Variants in CFAP69 observed in about 807,000 individuals in gnomAD.
The protein encoded by CFAP69 is cilia and flagella associated protein 69, also known as cilia- and flagella-associated protein 69.
In CFAP69, 92 loss-of-function variants were observed where a neutral mutation model predicts 123.0. The observed-to-expected ratio is 0.75, with a 90% CI of 0.63 to 0.89. CFAP69 has a LOEUF of 0.89. Ranked by LOEUF, CFAP69 falls within the 40% of genes least tolerant of loss-of-function variation. The pLI, the probability that CFAP69 is intolerant of heterozygous loss-of-function variation, is 0.00. For synonymous variants in CFAP69, 380 were observed against 364.3 expected, an observed-to-expected ratio of 1.04 and a Z score of -0.49; for missense variants, 1,067 against 1,096.9, an observed-to-expected ratio of 0.97 and a Z score of 0.39.
intron 22 of CFAP69, 29 bp from the exon 23 acceptor site, chr7:90,310,039 T>G (rs200435391): frequency 4.4e-6 from 7 of 1,575,650 alleles, no homozygotes; most frequent in Middle Eastern, 1.7e-4. Flanking sequence ...GTAAATGGAC[T>G]TTTAGATATT....
At chr7:90,306,146 C>G (rs1793560852) in intron 19 of CFAP69, among the ~76,000 whole-genome samples, 1 of 151,690 alleles carries the variant, frequency 6.6e-6, no homozygotes, top group South Asian at 2.1e-4. Flanking sequence ...GAGACAAGGT[C>G]TCACTGTGTT....
At chr7:90,321,776 C>T in the CFAP69 span, among the ~76,000 whole-genome samples, 3 of 152,170 alleles carry the variant, frequency 2.0e-5, no homozygotes, top group African/African-American at 2.4e-5. Context: ...CATACCCTTG[C>T]TTCTACACTG....
intron 12 of CFAP69, among the ~76,000 whole-genome samples, chr7:90,282,598 A>G (rs1319676658): frequency 6.6e-6 from 1 of 152,214 alleles, no homozygotes; most frequent in African/African-American, 2.4e-5. Flanking sequence ...TTAATAATCT[A>G]GATCTACTTG....
At chr7:90,299,806 T>TG in intron 16 of CFAP69, 61 bp from the exon 17 acceptor site, 1 of 1,305,978 alleles carries the variant, frequency 7.7e-7, no homozygotes, top group Non-Finnish European at 1.0e-6. Context: ...CTTTTTTTTT[T>TG]GAAGACAATA....
chr7:90,290,001 T>C lies in CFAP69; in HGVS notation c.1775+1649T>C, dbSNP rs1369976535. 2.0e-5 allele frequency among the ~76,000 whole-genome samples: 3 copies of C among 152,202 alleles called. No individual in the cohort carries two copies. In the East Asian group the frequency reaches 5.8e-4, roughly 29 times the overall value. The stretch of plus-strand genomic sequence containing the variant: ...ATCCTTCTGTAATGTGCTATTTTAA[T>C]AATTAGGTCTTGATAAGTCTAGACA... On this transcript the variant is annotated intron_variant, in intron 15 of 22. Transcript: ENST00000389297.
chr7:90,285,882 AT>A (rs1562893467), intron 13 of CFAP69, among the ~76,000 whole-genome samples: 1 of 152,236 alleles, frequency 6.6e-6, no homozygotes, highest in African/African-American at 2.4e-5. Context: ...GAGGCTATGG[AT>A]TACATTCAGA....
chr7:90,320,796 G>A, the CFAP69 span: 3 of 152,246 alleles, frequency 2.0e-5, no homozygotes, highest in African/African-American at 7.2e-5. Context: ...GTCGAAAATT[G>A]TGCAAATTCC....
intron 11 of CFAP69, among the ~76,000 whole-genome samples, chr7:90,278,198 A>G (rs1788887182): frequency 6.6e-6 from 1 of 152,152 alleles, no homozygotes; most frequent in African/African-American, 2.4e-5. Flanking sequence ...CTTTAGTCAG[A>G]CAGAATCTCA....
chr7:90,277,702 C>T (rs1788815434), intron 11 of CFAP69, among the ~76,000 whole-genome samples: 1 of 152,140 alleles, frequency 6.6e-6, no homozygotes. Flanking sequence ...AAATTATTAA[C>T]CTCTGTGATG....
At chr7:90,297,979 A>C in intron 16 of CFAP69, 149 bp downstream of exon 16, 1 of 532,098 alleles carries the variant, frequency 1.9e-6, no homozygotes, top group Non-Finnish European at 3.3e-6. Context: ...TTGCTCCTAG[A>C]AATTCATAAT....
At chr7:90,251,679 C>A (rs1478456155) in intron 1 of CFAP69, among the ~76,000 whole-genome samples, 2 of 150,586 alleles carry the variant, frequency 1.3e-5, no homozygotes, top group South Asian at 2.1e-4. Context: ...ACAAAAAAAA[C>A]CTACTAATAA....
chr7:90,246,647 A>G (rs1200908206), intron 1 of CFAP69, among the ~76,000 whole-genome samples: 4 of 152,168 alleles, frequency 2.6e-5, no homozygotes, highest in African/African-American at 9.7e-5. Context: ...ATTTTGAGGA[A>G]CAATAGCTCT....
At position 90,277,060 on chromosome 7, in the gene CFAP69, G is replaced by A. The variant is rs772250381; in HGVS notation, c.985-13G>A. ...TCATTCATCTTTCTGCTTATTTTATGTATTTATATTAGGAATGTGGCTTTA... is the reference window on the plus strand; with the variant it reads ...TCATTCATCTTTCTGCTTATTTTATATATTTATATTAGGAATGTGGCTTTA... On this transcript the variant is annotated splice_polypyrimidine_tract_variant and intron_variant, in intron 9 of 22. Coordinates refer to ENST00000389297, the MANE Select transcript of CFAP69 (RefSeq NM_001039706.3). 3 of 1,525,498 alleles carry A rather than the reference G, an allele frequency of 2.0e-6. No homozygotes were observed. The African/African-American group carries it at 4.2e-5, about 21-fold the overall frequency. The allele number at this position is 1,525,498 out of a possible 1,614,324, so 94.5% of individuals were successfully genotyped here. A position where few individuals can be genotyped will look rare whatever the true frequency, so the allele number is the denominator to read the frequency against.
chr7:90,318,877 A>C, the CFAP69 span: 1 of 152,296 alleles, frequency 6.6e-6, no homozygotes, highest in East Asian at 1.9e-4. Context: ...TTTTCTCTTA[A>C]ATGTAATACT....
intron 4 of CFAP69, among the ~76,000 whole-genome samples, chr7:90,265,040 C>G (rs1354228293): frequency 6.6e-6 from 1 of 152,172 alleles, no homozygotes; most frequent in Admixed American, 6.5e-5. Context: ...GATCCACCCA[C>G]CTCGGCCTCC....
At chr7:90,280,934 G>A (rs551719896) in intron 12 of CFAP69, among the ~76,000 whole-genome samples, 2 of 152,238 alleles carry the variant, frequency 1.3e-5, no homozygotes, top group East Asian at 1.9e-4. Context: ...ATTTAGTCTT[G>A]TAAAATTATT....
At position 90,299,882 on chromosome 7, in the gene CFAP69, T is replaced by A. The variant is rs762305642; in HGVS notation, c.1873T>A (p.Phe625Ile). The A allele has an allele frequency of 5.0e-6, 8 of 1,601,982 alleles. No homozygotes were observed. The highest frequency in any genetic ancestry group is 3.4e-5 in the South Asian group (3 of 88,232). The stretch of plus-strand genomic sequence containing the variant: ...CTTGCTAAAGTTGAACCAAAAAAAA[T>A]TCTGTAATCTAATACTTGGAATAAT... ...LDLLALNQKK[F>I]CNLILGIMVE... The change falls in exon 17 of 23, where the codon TTC becomes ATC. Residue 625 changes from phenylalanine (F) to isoleucine (I), a missense_variant. Physicochemically the swap from Phe to Ile is conservative, Grantham distance 21. Coordinates refer to ENST00000389297, the MANE Select transcript of CFAP69 (RefSeq NM_001039706.3).
At chr7:90,280,840 T>C (rs1789381090) in intron 12 of CFAP69, among the ~76,000 whole-genome samples, 1 of 152,226 alleles carries the variant, frequency 6.6e-6, no homozygotes, top group African/African-American at 2.4e-5. Context: ...TTTCATTAGA[T>C]CAAGAATATC....
At chr7:90,274,546 A>C (rs1051380542) in intron 9 of CFAP69, among the ~76,000 whole-genome samples, 3 of 152,158 alleles carry the variant, frequency 2.0e-5, no homozygotes, top group African/African-American at 7.2e-5. Flanking sequence ...CTCTAGGCTG[A>C]AAAATGTTTT....
Sources: gnomAD v4.1 joint callset for allele counts (sites outside exome capture counted in the v4.1 genomes callset) on GRCh38, gnomAD v4.1.1 for gene constraint, MANE v1.5 for transcripts, NCBI Gene and HGNC (gene_info 2026-07-23, HGNC 2026-07-21) for gene names.